DMD: variants seen among roughly 807,000 people sequenced by gnomAD.
DMD encodes the protein dystrophin.
DMD carries 63 observed loss-of-function variants against 330.1 expected under a neutral mutation model. The observed-to-expected ratio is 0.19, with a 90% CI of 0.16 to 0.24. The LOEUF (loss-of-function observed/expected upper bound fraction) is 0.24, where lower values mean the gene tolerates loss of function less well. Ranked by LOEUF, DMD falls within the 10% of genes least tolerant of loss-of-function variation. The pLI, the probability that DMD is intolerant of heterozygous loss-of-function variation, is 1.00. For synonymous variants in DMD, 1,223 were observed against 959.8 expected, an observed-to-expected ratio of 1.27 and a Z score of -5.07; for missense variants, 3,344 against 2,684.1, an observed-to-expected ratio of 1.25 and a Z score of -5.43.
At chrX:32,604,810 C>A (rs868745241) in intron 12 of DMD, among the ~76,000 whole-genome samples, 9 of 96,257 alleles carry the variant, frequency 9.3e-5, no homozygotes, top group Admixed American at 1.1e-4. Flanking sequence ...ACAACAACTA[C>A]AAAAAAAAAA....
intron 50 of DMD, among the ~76,000 whole-genome samples, chrX:31,806,506 C>G (rs1202298983): frequency 3.6e-5 from 4 of 112,549 alleles, no homozygotes; most frequent in Non-Finnish European, 7.5e-5. Context: ...TTTCTTCACT[C>G]TAGGGTTCAC....
intron 2 of DMD, among the ~76,000 whole-genome samples, chrX:32,941,516 G>T (rs2090415739): frequency 9.0e-6 from 1 of 111,313 alleles, no homozygotes; most frequent in South Asian, 3.7e-4. Context: ...ATGCAGCTGT[G>T]ATGGAGGCCA....
intron 1 of DMD, among the ~76,000 whole-genome samples, chrX:33,026,382 T>C (rs1397407750): frequency 1.1e-5 from 1 of 94,568 alleles, no homozygotes; most frequent in African/African-American, 4.0e-5. Context: ...TGAAGTAATA[T>C]GGGAGAGCAA....
chrX:31,298,369 T>A (rs1219073252), intron 62 of DMD, among the ~76,000 whole-genome samples: 1 of 107,189 alleles, frequency 9.3e-6, no homozygotes. Flanking sequence ...CTTTTAAAGT[T>A]TCCCAGAATA....
chrX:32,983,689 T>C (rs2092769461), intron 2 of DMD, among the ~76,000 whole-genome samples: 1 of 111,460 alleles, frequency 9.0e-6, no homozygotes, highest in Non-Finnish European at 1.9e-5. Context: ...GAAAAAATGG[T>C]AAAGTGTACA....
chrX:31,507,497 A>C lies in DMD; in HGVS notation c.8218-44T>G, dbSNP rs772715388. The C allele has an allele frequency of 7.1e-6, 8 of 1,120,121 alleles. No homozygotes were observed. In the East Asian group the frequency reaches 2.5e-4, roughly 35 times the overall value. The allele number at this position is 1,120,121 out of a possible 1,213,427, so 92.3% of individuals were successfully genotyped here. On this transcript the variant is annotated intron_variant, in intron 55 of 78. Transcript: ENST00000357033. ...AAGAATATGTGCAGAATTACCAAAC[A>C]AAAGAAACAAGCGATGAATGTGAAT...
chrX:31,511,484 C>T (rs1484258179), intron 55 of DMD, among the ~76,000 whole-genome samples: 2 of 61,850 alleles, frequency 3.2e-5, no homozygotes, highest in African/African-American at 1.3e-4. Flanking sequence ...CCTCCCCCCT[C>T]CCCCCACCCC....
chrX:33,005,166 T>C (rs1412126125), intron 2 of DMD, among the ~76,000 whole-genome samples: 3 of 109,405 alleles, frequency 2.7e-5, no homozygotes, highest in African/African-American at 1.0e-4. Flanking sequence ...ATGTTAAGTA[T>C]TAATGGAGGT....
rs144760800 is a variant in DMD, at chrX:31,367,806, C to T, written c.9085-19172G>A. ...GTCTAGAAACCTCCCACGACACTTA[C>T]TGCACTGATGGTTCTCCATACTCCT... On this transcript the variant is annotated intron_variant, in intron 60 of 78. Coordinates refer to ENST00000357033, the MANE Select transcript of DMD (RefSeq NM_004006.3). 2.2e-3 allele frequency among the ~76,000 whole-genome samples: 244 copies of T among 111,844 alleles called. 2 individuals carry two copies. Among genetic ancestry groups the T allele is most frequent in the African/African-American group, 7.7e-3 (236 of 30,804 alleles).
intron 1 of DMD, among the ~76,000 whole-genome samples, chrX:33,269,431 T>C (rs2053112394): frequency 9.0e-6 from 1 of 110,911 alleles, no homozygotes; most frequent in East Asian, 2.8e-4. Flanking sequence ...CACTGTGGAC[T>C]ACTAGAGTGG....
intron 29 of DMD, among the ~76,000 whole-genome samples, chrX:32,420,766 A>G (rs1182570749): frequency 8.9e-6 from 1 of 111,843 alleles, no homozygotes; most frequent in Non-Finnish European, 1.9e-5. Context: ...ACTTCCTTTT[A>G]TAGACCAGGT....
chrX:31,267,544 C>T (rs951036216), intron 62 of DMD, among the ~76,000 whole-genome samples: 1 of 111,980 alleles, frequency 8.9e-6, no homozygotes, highest in African/African-American at 3.2e-5. Context: ...TCCCTGGGCC[C>T]GGCCCAGACC....
chrX:32,597,980 A>G (rs968039050), intron 12 of DMD, among the ~76,000 whole-genome samples: 2 of 112,236 alleles, frequency 1.8e-5, no homozygotes, highest in African/African-American at 6.5e-5. Flanking sequence ...TTGCAAAACA[A>G]CAGTGCTTAG....
intron 1 of DMD, among the ~76,000 whole-genome samples, chrX:33,292,052 C>G (rs2053520302): frequency 9.0e-6 from 1 of 111,403 alleles, no homozygotes; most frequent in Non-Finnish European, 1.9e-5. Flanking sequence ...TTTCATCAAT[C>G]TTAGGAGTAA....
At chrX:32,834,967 G>A (rs937502329) in intron 4 of DMD, among the ~76,000 whole-genome samples, 1 of 110,875 alleles carries the variant, frequency 9.0e-6, no homozygotes, top group East Asian at 2.8e-4. Flanking sequence ...ATACATCTTG[G>A]GGAGCGGGGG....
At chrX:31,643,618 A>G (rs1191988645) in intron 54 of DMD, among the ~76,000 whole-genome samples, 1 of 112,140 alleles carries the variant, frequency 8.9e-6, no homozygotes, top group Non-Finnish European at 1.9e-5. Flanking sequence ...CAAATGATAT[A>G]AGAATAATAT....
Position 32,862,618 on chromosome X carries a change from A to G in DMD, c.94-12798T>C, listed in dbSNP as rs186513242. Among the ~76,000 whole-genome samples the G allele has an allele frequency of 1.0e-4, 11 of 109,460 alleles. No individual in the cohort carries two copies. In the East Asian group the frequency reaches 2.6e-3, roughly 26 times the overall value. On this transcript the variant is annotated intron_variant, in intron 2 of 78. Transcript: ENST00000357033. ...AAAATTATGGTAAATGCTTTATCTT[A>G]TATTTTTATGTATTAATGTAATTCA... is the stretch of plus-strand genomic sequence containing the variant.
chrX:32,679,347 T>G (rs749237486), intron 9 of DMD, among the ~76,000 whole-genome samples: 27 of 111,320 alleles, frequency 2.4e-4, no homozygotes, highest in Admixed American at 1.4e-3. Flanking sequence ...GTTTTTTTTT[T>G]TGTGAAAAGA....
intron 44 of DMD, among the ~76,000 whole-genome samples, chrX:32,012,488 C>T (rs1248678637): frequency 8.9e-6 from 1 of 111,849 alleles, no homozygotes; most frequent in African/African-American, 3.3e-5. Flanking sequence ...TCTTCAATTT[C>T]TTCTCCCTCA....
Sources: allele counts gnomAD v4.1 joint callset (sites outside exome capture counted in the v4.1 genomes callset), GRCh38; gene constraint gnomAD v4.1.1; transcripts MANE v1.5; gene names NCBI Gene and HGNC (gene_info 2026-07-23, HGNC 2026-07-21).